Variants in ADK observed in about 807,000 individuals in gnomAD.
The protein encoded by ADK is N6,N6-dimethyladenosine kinase.
Under a neutral mutation model 44.7 loss-of-function variants are expected in ADK, and 24 were observed. That is an observed-to-expected ratio of 0.54 (90% confidence interval 0.39 to 0.76). The LOEUF is 0.76. Ranked by LOEUF, ADK falls within the 30% of genes least tolerant of loss-of-function variation. The pLI is 0.00. For synonymous variants in ADK, 128 were observed against 142.6 expected (o/e 0.90, Z 0.73); for missense variants, 321 against 425.1 (o/e 0.76, Z 2.15).
intron 7 of ADK, among the ~76,000 whole-genome samples, chr10:74,525,924 G>A (rs920460521): frequency 2.6e-5 from 4 of 152,158 alleles, no homozygotes; most frequent in Non-Finnish European, 5.9e-5. Context: ...CAAAGTGCTA[G>A]GATTACAGGT....
chr10:74,468,203 A>G (rs1189720883), intron 6 of ADK, among the ~76,000 whole-genome samples: 1 of 152,162 alleles, frequency 6.6e-6, no homozygotes, highest in Non-Finnish European at 1.5e-5. Flanking sequence ...CTTTCTTCTC[A>G]CTGTTTTCGT....
At chr10:74,646,017 G>T (rs2134113492) in intron 9 of ADK, among the ~76,000 whole-genome samples, 1 of 152,302 alleles carries the variant, frequency 6.6e-6, no homozygotes, top group African/African-American at 2.4e-5. Context: ...ATGGAAGGCA[G>T]TAAACAGCTT....
intron 7 of ADK, among the ~76,000 whole-genome samples, chr10:74,557,914 G>C (rs1850320830): frequency 1.3e-5 from 2 of 152,184 alleles, no homozygotes; most frequent in Non-Finnish European, 2.9e-5. Flanking sequence ...AAAACTTGGG[G>C]TCAGCAGAAA....
chr10:74,172,453 C>T (rs1175942628), intron 1 of ADK, among the ~76,000 whole-genome samples: 1 of 152,044 alleles, frequency 6.6e-6, no homozygotes, highest in Non-Finnish European at 1.5e-5. Flanking sequence ...TTTTGGGAGG[C>T]CGAGGTGGGC....
intron 6 of ADK, among the ~76,000 whole-genome samples, chr10:74,480,833 G>A (rs1847044861): frequency 6.6e-6 from 1 of 152,072 alleles, no homozygotes; most frequent in African/African-American, 2.4e-5. Context: ...TCTTTTAAAT[G>A]TGTAGATTTA....
At chr10:74,606,722 G>A (rs879500568) in intron 9 of ADK, among the ~76,000 whole-genome samples, 4 of 152,142 alleles carry the variant, frequency 2.6e-5, no homozygotes, top group Non-Finnish European at 2.9e-5. Flanking sequence ...TTGATTTGGG[G>A]TGGAGAGTTC....
chr10:74,393,971 GTTATA>G (rs761310695), intron 4 of ADK, among the ~76,000 whole-genome samples, 165 bp from the exon 5 acceptor site: 25 of 152,176 alleles, frequency 1.6e-4, no homozygotes, highest in Non-Finnish European at 2.9e-4. Flanking sequence ...TTACATGGTT[GTTATA>G]TTAAGTTTTT....
chr10:74,260,115 G>C (rs1845989296), intron 3 of ADK, among the ~76,000 whole-genome samples: 1 of 151,908 alleles, frequency 6.6e-6, no homozygotes, highest in Non-Finnish European at 1.5e-5. Context: ...AGAACAGATG[G>C]TCTGTCTAAT....
At chr10:74,313,849 T>C (rs1279227523) in intron 3 of ADK, among the ~76,000 whole-genome samples, 2 of 151,984 alleles carry the variant, frequency 1.3e-5, no homozygotes, top group African/African-American at 4.8e-5. Context: ...TCTTATATTT[T>C]CTATCTACTT....
intron 10 of ADK, among the ~76,000 whole-genome samples, chr10:74,676,059 A>C (rs77100218): frequency 2.6e-5 from 4 of 151,348 alleles, no homozygotes; most frequent in South Asian, 2.1e-4. Context: ...AAAAAAAAAA[A>C]CACCTTCATT....
chr10:74,315,546 G>C (rs968064967), intron 4 of ADK, among the ~76,000 whole-genome samples: 2 of 152,052 alleles, frequency 1.3e-5, no homozygotes, highest in Non-Finnish European at 2.9e-5. Flanking sequence ...CATACCTCTG[G>C]TTCTTACCTC....
intron 6 of ADK, among the ~76,000 whole-genome samples, chr10:74,485,266 G>A (rs1225926947): frequency 6.6e-6 from 1 of 151,954 alleles, no homozygotes; most frequent in Admixed American, 6.6e-5. Context: ...CATGTGTATT[G>A]AAGGAATGAA....
At chr10:74,182,107 C>G (rs1842580826) in intron 1 of ADK, among the ~76,000 whole-genome samples, 1 of 152,158 alleles carries the variant, frequency 6.6e-6, no homozygotes, top group African/African-American at 2.4e-5. Flanking sequence ...CCAAGCCACT[C>G]AGAACATTCA....
chr10:74,664,468 A>T (rs962819037), intron 9 of ADK, among the ~76,000 whole-genome samples: 1 of 152,252 alleles, frequency 6.6e-6, no homozygotes. Context: ...TTTATAGCAT[A>T]GCTTTTCATA....
At chr10:74,325,272 A>C (rs1339204881) in intron 4 of ADK, among the ~76,000 whole-genome samples, 1 of 151,242 alleles carries the variant, frequency 6.6e-6, no homozygotes. Flanking sequence ...TGTTTACTTG[A>C]TTTTTGTTTT....
At chr10:74,352,094 C>A (rs1841981029) in intron 4 of ADK, among the ~76,000 whole-genome samples, 2 of 151,726 alleles carry the variant, frequency 1.3e-5, no homozygotes, top group Admixed American at 1.3e-4. Flanking sequence ...TCATATGGAA[C>A]CAAAAAGGAG....
intron 6 of ADK, among the ~76,000 whole-genome samples, chr10:74,456,214 A>G (rs2133213336): frequency 6.6e-6 from 1 of 152,150 alleles, no homozygotes; most frequent in East Asian, 1.9e-4. Flanking sequence ...AGAACTCTCC[A>G]CCCCAAATCA....
intron 5 of ADK, among the ~76,000 whole-genome samples, chr10:74,397,998 A>C (rs151276429): frequency 6.6e-6 from 1 of 152,234 alleles, no homozygotes; most frequent in African/African-American, 2.4e-5. Flanking sequence ...TATGGTCTAC[A>C]TTTATAAGTG....
At chr10:74,448,832 GCTTT>G (rs1451781871) in intron 6 of ADK, among the ~76,000 whole-genome samples, 1 of 151,656 alleles carries the variant, frequency 6.6e-6, no homozygotes, top group African/African-American at 2.4e-5. Context: ...ATATATACTG[GCTTT>G]CTTTTTTTCC....
Sources: allele counts gnomAD v4.1 joint callset (sites outside exome capture counted in the v4.1 genomes callset), GRCh38; gene constraint gnomAD v4.1.1; transcripts MANE v1.5; gene names NCBI Gene and HGNC (gene_info 2026-07-23, HGNC 2026-07-21).